Variants in ETV7 observed in about 807,000 individuals in gnomAD.
ETV7 encodes the protein transcription factor ETV7.
Under a neutral mutation model 39.1 loss-of-function variants are expected in ETV7, and 43 were observed. That is an observed-to-expected ratio of 1.10 (90% CI 0.86 to 1.42). The LOEUF (loss-of-function observed/expected upper bound fraction) is 1.42. Ranked by LOEUF, ETV7 falls within the 40% of genes most tolerant of loss-of-function variation. ETV7 has a pLI of 0.00. For synonymous variants in ETV7, 196 were observed against 176.6 expected (o/e 1.11, Z -0.87); for missense variants, 432 against 442.3 (o/e 0.98, Z 0.21).
rs747934069 is a variant in ETV7, at chr6:36,375,880, G to T, written c.298C>A (p.Pro100Thr). The change falls in exon 3 of 8, where the codon CCC becomes ACC. Residue 100 changes from proline to threonine, a missense_variant. Physicochemically the swap from Pro to Thr is conservative, Grantham distance 38. Coordinates refer to ENST00000340181, the MANE Select transcript of ETV7 (RefSeq NM_016135.4). ...TGTGCGTTTCCCTGACCTGAGCTGG[G>T]CGCACGGTGCCGGAAGTCGTCCTTG... is the stretch of plus-strand genomic sequence containing the variant. Reference protein sequence around the residue: ...LTKDDFRHRAPSSGDVLYELL... With the variant: ...LTKDDFRHRATSSGDVLYELL... 6.2e-7 allele frequency: 1 copy of T among 1,614,014 alleles called. No individual in the cohort carries two copies.
intron 2 of ETV7, among the ~76,000 whole-genome samples, chr6:36,384,820 C>T (rs769777694): frequency 2.0e-5 from 3 of 151,864 alleles, no homozygotes; most frequent in Non-Finnish European, 2.9e-5. Context: ...ACCAGGGAGG[C>T]GGAGGTTGCA....
At chr6:36,361,291 A>C (rs529358532), downstream of ETV7, among the ~76,000 whole-genome samples, 1 of 152,308 alleles carries the variant, frequency 6.6e-6, no homozygotes, top group East Asian at 1.9e-4. Flanking sequence ...GGGCCCTGAC[A>C]CCGGCATTCA....
intron 7 of ETV7, among the ~76,000 whole-genome samples, chr6:36,356,405 T>A (rs571990653): frequency 8.0e-4 from 121 of 152,064 alleles, no homozygotes; most frequent in African/African-American, 2.4e-3. Context: ...ATCAATTTTT[T>A]AAAAAGAATT....
chr6:36,375,510 G>A (rs1352044342), intron 3 of ETV7, among the ~76,000 whole-genome samples: 1 of 152,184 alleles, frequency 6.6e-6, no homozygotes. Flanking sequence ...CAGTGTGAAT[G>A]AATATTTGAT....
At chr6:36,374,688 C>T (rs1773219592) in intron 3 of ETV7, among the ~76,000 whole-genome samples, 1 of 152,222 alleles carries the variant, frequency 6.6e-6, no homozygotes, top group South Asian at 2.1e-4. Flanking sequence ...CCCTCACCTC[C>T]CACTAGAGCT....
At chr6:36,368,861 G>T (rs1265844662) in intron 6 of ETV7, 68 bp downstream of exon 6, 22 of 1,603,834 alleles carry the variant, frequency 1.4e-5, no homozygotes, top group Non-Finnish European at 1.9e-5. Context: ...AGTGCTAGGG[G>T]TCCACTCTGA....
intron 2 of ETV7, among the ~76,000 whole-genome samples, chr6:36,384,133 C>G (rs976587866): frequency 6.6e-6 from 1 of 152,336 alleles, no homozygotes; most frequent in African/African-American, 2.4e-5. Flanking sequence ...CAAAAGAACA[C>G]CTTTGGGATT....
chr6:36,374,342 GT>G, intron 3 of ETV7, among the ~76,000 whole-genome samples: 1 of 149,802 alleles, frequency 6.7e-6, no homozygotes, highest in East Asian at 2.0e-4. Context: ...GGGCAATAGA[GT>G]GAGACCCTGT....
chr6:36,366,470 C>T lies in ETV7; in HGVS notation c.*175G>A, dbSNP rs751137677. ...TTGCCCTGCCCAAAAGATGACACTC[C>T]TGCCCCCAGTGTCCTGGATGGGAGG... On this transcript the variant is annotated 3_prime_UTR_variant, in exon 8 of 8. Transcript: ENST00000340181. 4.8e-5 allele frequency: 71 copies of T among 1,474,318 alleles called. No individual in the cohort carries two copies. The East Asian group carries it at 1.6e-3, about 33-fold the overall frequency. 91.3% of individuals were successfully genotyped at this position (1,474,318 alleles called of 1,614,324 possible).
At chr6:36,369,655 A>T (rs1289652084) in intron 5 of ETV7, among the ~76,000 whole-genome samples, 1 of 152,262 alleles carries the variant, frequency 6.6e-6, no homozygotes, top group East Asian at 1.9e-4. Flanking sequence ...CAAGTTACAC[A>T]ACCTTCTCTG....
rs751440343 is a variant in ETV7 at position 36,375,988 on chromosome 6, G to T, written c.190C>A (p.Arg64Ser). The part of the protein sequence containing the change: ...WSREDVLHWL[R>S]WAEQEYSLPC... ...AGAGAGTACTCCTGCTCTGCCCAGC[G>T]CAGCCAGTGCAGCACGTCCTCCCTG... is the stretch of plus-strand genomic sequence containing the variant. The change falls in exon 3 of 8, where the codon CGC becomes AGC. Residue 64 changes from arginine (R) to serine (S), a missense_variant. Arg to Ser is a moderately radical substitution (Grantham distance 110). Transcript: ENST00000340181. 6 of 1,610,482 alleles carry T rather than the reference G, an allele frequency of 3.7e-6. No homozygotes were observed. Among genetic ancestry groups the T allele is most frequent in the Non-Finnish European group, 5.1e-6 (6 of 1,179,956 alleles).
At chr6:36,376,683 G>A (rs1336477051) in intron 2 of ETV7, among the ~76,000 whole-genome samples, 1 of 151,848 alleles carries the variant, frequency 6.6e-6, no homozygotes, top group Non-Finnish European at 1.5e-5. Flanking sequence ...GGCTGAAGCA[G>A]GTGAATCGCT....
At chr6:36,369,132 TTA>T in intron 5 of ETV7, 61 bp from the exon 6 acceptor site, 2 of 1,601,154 alleles carry the variant, frequency 1.2e-6, no homozygotes, top group Non-Finnish European at 1.7e-6. Flanking sequence ...AGGACAGGTG[TTA>T]GAAAGGCACT....
intron 3 of ETV7, 23 bp from the exon 4 acceptor site, chr6:36,373,601 G>GGGTGGGC: frequency 8.4e-6 from 4 of 475,628 alleles, no homozygotes; most frequent in South Asian, 1.7e-5. Flanking sequence ...GGGAGGGAGG[G>GGGTGGGC]CAGGCTGCTG....
chr6:36,382,287 T>C (rs1773694651), intron 2 of ETV7, among the ~76,000 whole-genome samples: 1 of 152,194 alleles, frequency 6.6e-6, no homozygotes, highest in South Asian at 2.1e-4. Flanking sequence ...TGATGTGTTG[T>C]TCTATTTCAA....
intron 2 of ETV7, among the ~76,000 whole-genome samples, chr6:36,381,917 G>T (rs1010039785): frequency 1.3e-5 from 2 of 152,124 alleles, no homozygotes; most frequent in Admixed American, 6.6e-5. Flanking sequence ...GAGGGGAGAG[G>T]TTCTTTATCC....
At chr6:36,370,020 G>A (rs1290643697) in intron 5 of ETV7, among the ~76,000 whole-genome samples, 2 of 152,060 alleles carry the variant, frequency 1.3e-5, no homozygotes, top group South Asian at 2.1e-4. Flanking sequence ...AGTGTGTAAC[G>A]ATCAAGTCAG....
At chr6:36,362,366 G>A (rs1002969017), downstream of ETV7, among the ~76,000 whole-genome samples, 5 of 152,110 alleles carry the variant, frequency 3.3e-5, no homozygotes, top group East Asian at 9.6e-4. Flanking sequence ...GGGAGGCTGA[G>A]GCAGGAGAAT....
chr6:36,362,409 G>T (rs1455674343), downstream of ETV7, among the ~76,000 whole-genome samples: 1 of 152,130 alleles, frequency 6.6e-6, no homozygotes, highest in Non-Finnish European at 1.5e-5. Flanking sequence ...GTTGCAGTGA[G>T]CTGAGATCAC....
Sources: allele counts gnomAD v4.1 joint callset (sites outside exome capture counted in the v4.1 genomes callset), GRCh38; gene constraint gnomAD v4.1.1; transcripts MANE v1.5; gene names NCBI Gene and HGNC (gene_info 2026-07-23, HGNC 2026-07-21).